PDE1C: variants seen among roughly 807,000 people sequenced by gnomAD.
PDE1C encodes dual specificity calcium/calmodulin-dependent 3',5'-cyclic nucleotide phosphodiesterase 1C.
PDE1C carries 62 observed loss-of-function variants against 93.1 expected under a neutral mutation model. The observed-to-expected ratio is 0.67, with a 90% CI of 0.54 to 0.82. PDE1C has a LOEUF of 0.82. PDE1C is among the 40% of genes least tolerant of loss of function. PDE1C has a pLI of 0.00. For synonymous variants in PDE1C, 325 were observed against 310.1 expected (o/e 1.05, Z -0.50); for missense variants, 742 against 884.6 (o/e 0.84, Z 2.04).
chr7:32,138,261 A>G (rs1034952225), intron 3 of PDE1C, among the ~76,000 whole-genome samples: 1 of 152,226 alleles, frequency 6.6e-6, no homozygotes, highest in African/African-American at 2.4e-5. Flanking sequence ...AATGTACCAC[A>G]TAGTAGTAAT....
At chr7:31,762,832 T>C (rs1794918639) in intron 17 of PDE1C, among the ~76,000 whole-genome samples, 1 of 152,132 alleles carries the variant, frequency 6.6e-6, no homozygotes, top group Admixed American at 6.5e-5. Flanking sequence ...GCCACTAGTA[T>C]GGTATGGAAA....
chr7:32,133,541 G>C (rs984146260), intron 3 of PDE1C, among the ~76,000 whole-genome samples: 1 of 152,168 alleles, frequency 6.6e-6, no homozygotes, highest in Non-Finnish European at 1.5e-5. Context: ...CTGAACCAGT[G>C]TATAAATTTA....
the PDE1C span, among the ~76,000 whole-genome samples, chr7:31,734,128 C>G: frequency 6.6e-6 from 1 of 152,176 alleles, no homozygotes; most frequent in Non-Finnish European, 1.5e-5. Flanking sequence ...TGTTCCACAG[C>G]TCTTTACTGA....
chr7:31,625,728 T>G, the PDE1C span, among the ~76,000 whole-genome samples: 2 of 152,026 alleles, frequency 1.3e-5, no homozygotes, highest in African/African-American at 2.4e-5. Flanking sequence ...CATATGTACC[T>G]AACCTGCACA....
intron 1 of PDE1C, among the ~76,000 whole-genome samples, chr7:32,318,040 G>A (rs62457534): frequency 0.065 from 9,868 of 151,600 alleles, 428 homozygotes; most frequent in Non-Finnish European, 0.092. Context: ...GTTAGCTCTG[G>A]TGCCAGCACC....
rs746804294 is a variant in PDE1C, at chr7:31,873,405, C to T, written c.496G>A (p.Val166Met). 6.9e-6 allele frequency: 11 copies of T among 1,595,834 alleles called. No homozygotes were observed. Among genetic ancestry groups the T allele is most frequent in the Non-Finnish European group, 9.5e-6 (11 of 1,163,626 alleles). Residue 166 changes from valine to methionine, a missense_variant, in exon 6 of 18, where the codon GTG (valine) becomes ATG (methionine). This residue lies in a region of PDE1C where 205 missense variants were observed against 295.3 expected (regional missense o/e 0.69). Coordinates refer to ENST00000396191, the MANE Select transcript of PDE1C (RefSeq NM_001191057.4). ...AAGACGTCAAAGGACCACTTGTCCA[C>T]ATCCTGCAGGACAGGGTGGGGAGAA... The part of the protein sequence containing the change: ...PPAVIEALKD[V>M]DKWSFDVFSL...
At chr7:31,990,380 G>T (rs565052018) in intron 2 of PDE1C, among the ~76,000 whole-genome samples, 1 of 151,996 alleles carries the variant, frequency 6.6e-6, no homozygotes, top group Non-Finnish European at 1.5e-5. Flanking sequence ...TTCGCCTTCC[G>T]CCATGATTGT....
At chr7:32,008,483 G>A (rs1351325983) in intron 2 of PDE1C, among the ~76,000 whole-genome samples, 1 of 152,184 alleles carries the variant, frequency 6.6e-6, no homozygotes, top group Non-Finnish European at 1.5e-5. Flanking sequence ...GCACCTGCCA[G>A]GTCCACCTTG....
intron 1 of PDE1C, among the ~76,000 whole-genome samples, chr7:32,355,789 C>A (rs1784019418): frequency 6.6e-6 from 1 of 152,204 alleles, no homozygotes; most frequent in Non-Finnish European, 1.5e-5. Flanking sequence ...AAGGAAGGGA[C>A]TCAACAAATG....
chr7:32,410,753 G>T (rs1785153100), intron 1 of PDE1C, among the ~76,000 whole-genome samples: 1 of 152,138 alleles, frequency 6.6e-6, no homozygotes, highest in African/African-American at 2.4e-5. Flanking sequence ...TCCCTCCATA[G>T]CACTGCCTCT....
At chr7:31,638,348 C>T in the PDE1C span, among the ~76,000 whole-genome samples, 7 of 152,104 alleles carry the variant, frequency 4.6e-5, no homozygotes, top group Admixed American at 3.9e-4. Flanking sequence ...CAACACTAAA[C>T]AGCTGTTCTA....
intron 3 of PDE1C, among the ~76,000 whole-genome samples, chr7:32,092,972 C>T (rs1250607637): frequency 6.6e-6 from 1 of 152,202 alleles, no homozygotes; most frequent in Non-Finnish European, 1.5e-5. Flanking sequence ...CTACAGCTTT[C>T]ACCACAGCTG....
intron 5 of PDE1C, among the ~76,000 whole-genome samples, chr7:31,873,803 C>T (rs1479209174): frequency 6.6e-6 from 1 of 152,138 alleles, no homozygotes; most frequent in Non-Finnish European, 1.5e-5. Context: ...ACAGGCAGGG[C>T]CAGAACACAA....
intron 16 of PDE1C, chr7:31,790,159 GGAAGAAGGA>G (rs1412348719): frequency 5.6e-6 from 9 of 1,599,980 alleles, no homozygotes; most frequent in Non-Finnish European, 7.7e-6. Context: ...GGGTCTTTGT[GGAAGAAGGA>G]GAAGAAGGAG....
chr7:31,765,323 C>T (rs1795075524), intron 17 of PDE1C, among the ~76,000 whole-genome samples: 1 of 152,126 alleles, frequency 6.6e-6, no homozygotes, highest in Admixed American at 6.5e-5. Flanking sequence ...CTTTAATTTT[C>T]TCATTTATAA....
chr7:32,199,867 TC>T (rs374886218), intron 2 of PDE1C, among the ~76,000 whole-genome samples: 40 of 152,304 alleles, frequency 2.6e-4, no homozygotes, highest in African/African-American at 9.1e-4. Flanking sequence ...ACATCTGACC[TC>T]ACATGACAGG....
chr7:31,818,502 GGT>G (rs1478406284), intron 14 of PDE1C, among the ~76,000 whole-genome samples: 7 of 152,106 alleles, frequency 4.6e-5, no homozygotes, highest in African/African-American at 1.4e-4. Context: ...GTACCCTACG[GGT>G]GTGATTTATC....
intron 11 of PDE1C, among the ~76,000 whole-genome samples, chr7:31,832,532 T>C (rs1028869888): frequency 6.6e-6 from 1 of 152,222 alleles, no homozygotes; most frequent in Non-Finnish European, 1.5e-5. Context: ...AAAAACACTC[T>C]ATAGTGCCAT....
intron 2 of PDE1C, among the ~76,000 whole-genome samples, chr7:32,035,874 C>T (rs1330365864): frequency 6.6e-6 from 1 of 152,126 alleles, no homozygotes; most frequent in Non-Finnish European, 1.5e-5. Context: ...AAAGGTAATC[C>T]CATGTTTCAG....
Sources: allele counts gnomAD v4.1 joint callset (sites outside exome capture counted in the v4.1 genomes callset), GRCh38; gene constraint gnomAD v4.1.1; regional missense constraint gnomAD v4.1.1; transcripts MANE v1.5; gene names NCBI Gene and HGNC (gene_info 2026-07-23, HGNC 2026-07-21).